SMC3: variants seen among roughly 807,000 people sequenced by gnomAD.
The protein encoded by SMC3 is structural maintenance of chromosomes protein 3.
In SMC3, 20 loss-of-function variants were observed where a neutral mutation model predicts 171.8. The observed-to-expected ratio is 0.12, with a 90% CI of 0.08 to 0.17. The LOEUF (loss-of-function observed/expected upper bound fraction) is 0.17, where lower values mean the gene tolerates loss of function less well. SMC3 is among the 10% of genes least tolerant of loss of function. SMC3 has a pLI of 1.00. For missense variants in SMC3, 543 were observed against 1,420.4 expected (o/e 0.38, Z 9.93); for synonymous variants, 464 against 451.1 (o/e 1.03, Z -0.36).
intron 5 of SMC3, 103 bp downstream of exon 5, chr10:110,577,595 C>T: frequency 2.4e-6 from 2 of 816,548 alleles, no homozygotes; most frequent in Non-Finnish European, 2.0e-6. Flanking sequence ...GTTATAATTA[C>T]AGTTTATATA....
In SMC3 at chr10:110,577,413, A is replaced by G. The variant is rs772043772; in HGVS notation, c.199-8A>G. 6.2e-6 allele frequency: 10 copies of G among 1,607,058 alleles called. 1 individual carries two copies. The South Asian group carries it at 7.7e-5, about 12-fold the overall frequency. ...AAATGGCAAATTTCTCACTTCTTTC[A>G]TTTTTAGGAAGGTACTGGTCCTCGT... On this transcript the variant is annotated splice_polypyrimidine_tract_variant and splice_region_variant and intron_variant, in intron 4 of 28. Coordinates refer to ENST00000361804, the MANE Select transcript of SMC3 (RefSeq NM_005445.4).
chr10:110,601,938 T>C, intron 24 of SMC3, 28 bp from the exon 25 acceptor site: 1 of 1,608,624 alleles, frequency 6.2e-7, no homozygotes, highest in South Asian at 1.1e-5. Context: ...TAAATTTATT[T>C]ATATGAATAC....
intron 23 of SMC3, 134 bp from the exon 24 acceptor site, chr10:110,601,503 A>G: frequency 1.1e-6 from 1 of 917,038 alleles, no homozygotes; most frequent in Admixed American, 2.2e-5. Context: ...AACATGGTTC[A>G]TAAATTTTCA....
At chr10:110,589,364 T>C (rs1348080829) in intron 13 of SMC3, among the ~76,000 whole-genome samples, 2 of 152,184 alleles carry the variant, frequency 1.3e-5, no homozygotes, top group African/African-American at 4.8e-5. Context: ...AAATAAAGTA[T>C]ATAATTTGAT....
intron 10 of SMC3, 55 bp downstream of exon 10, chr10:110,582,697 C>A (rs962268780): frequency 7.5e-7 from 1 of 1,333,842 alleles, no homozygotes; most frequent in Non-Finnish European, 1.1e-6. Flanking sequence ...GAGACAGGGT[C>A]TTGTTCTGTC....
At chr10:110,595,218 G>T (rs1861280105) in intron 18 of SMC3, among the ~76,000 whole-genome samples, 1 of 151,924 alleles carries the variant, frequency 6.6e-6, no homozygotes, top group Admixed American at 6.6e-5. Flanking sequence ...GACCTCAGGT[G>T]ATCTGCCTGC....
At chr10:110,572,476 A>G (rs986226893) in intron 2 of SMC3, among the ~76,000 whole-genome samples, 4 of 152,100 alleles carry the variant, frequency 2.6e-5, no homozygotes, top group African/African-American at 9.7e-5. Flanking sequence ...TGTCTTTTAT[A>G]ACATTGTTAT....
intron 2 of SMC3, among the ~76,000 whole-genome samples, chr10:110,571,008 G>T (rs1369590831): frequency 6.6e-6 from 1 of 152,212 alleles, no homozygotes; most frequent in African/African-American, 2.4e-5. Flanking sequence ...TTGTACTGAT[G>T]TTGGGTATAT....
At chr10:110,579,137 T>G (rs1044463545) in intron 7 of SMC3, among the ~76,000 whole-genome samples, 22 of 152,222 alleles carry the variant, frequency 1.4e-4, no homozygotes, top group Non-Finnish European at 2.8e-4. Context: ...GGATTATGTT[T>G]TTACATTTTT....
At chr10:110,584,057 C>G (rs1437502784) in intron 12 of SMC3, 95 bp downstream of exon 12, 1 of 1,529,668 alleles carries the variant, frequency 6.5e-7, no homozygotes, top group African/African-American at 1.4e-5. Context: ...CTGCTTTTTA[C>G]ACTTAATTCT....
chr10:110,599,713 A>G lies in SMC3; in HGVS notation c.2328A>G (p.Ser776=). 1 of 1,614,154 alleles carries G rather than the reference A, an allele frequency of 6.2e-7. No individual in the cohort carries two copies. Among genetic ancestry groups the G allele is most frequent in the Non-Finnish European group, 8.5e-7 (1 of 1,179,994 alleles). Residue 776 remains serine, a synonymous_variant, in exon 21 of 29, where the codon TCA becomes TCG. Transcript: ENST00000361804. ...ATGCTATGGAGTCTACCAGAGAGTC[A>G]TTGAAAGCAGAACTGGGAACTGATT... The part of the protein sequence containing the change: ...SLHAMESTRE[S]LKAELGTDLL...
chr10:110,601,903 G>A lies in SMC3; in HGVS notation c.2892+19G>A, dbSNP rs772920976. ...CAAACAGGTTGGTTTTAAATTTGAA[G>A]TCTTGTTACAAATTGCTCAGTATAT... On this transcript the variant is annotated intron_variant, in intron 24 of 28. Transcript: ENST00000361804. 84 of 1,613,366 alleles carry A rather than the reference G, an allele frequency of 5.2e-5. No individual in the cohort carries two copies. The highest frequency in any genetic ancestry group is 6.8e-5 in the Non-Finnish European group (80 of 1,179,592).
chr10:110,585,767 A>G lies in SMC3; in HGVS notation c.1305+1371A>G, dbSNP rs186494842. Among the ~76,000 whole-genome samples, 7 of 151,754 alleles carry G rather than the reference A, an allele frequency of 4.6e-5. No homozygotes were observed. In the East Asian group the frequency reaches 1.3e-3, roughly 29 times the overall value. On this transcript the variant is annotated intron_variant, in intron 13 of 28. Transcript: ENST00000361804. ...TACATATATTAATATTTATGTACTT[A>G]TTAATTGTATATTATATATAATTAT...
Position 110,605,153 on chromosome 10 carries a change from T to G in SMC3, c.*851T>G, listed in dbSNP as rs1274328794. 6.6e-6 allele frequency among the ~76,000 whole-genome samples: 1 copy of G among 152,204 alleles called. No individual in the cohort carries two copies. The highest frequency in any genetic ancestry group is 2.4e-5 in the African/African-American group (1 of 41,468). ...TATAATAGTACATATTATTAACATG[T>G]TTTATCACTGATGTTTACCTTGATC... On this transcript the variant is annotated 3_prime_UTR_variant, in exon 29 of 29. Coordinates refer to ENST00000361804, the MANE Select transcript of SMC3 (RefSeq NM_005445.4).
chr10:110,579,368 T>G (rs1860998726), intron 7 of SMC3, among the ~76,000 whole-genome samples: 1 of 151,008 alleles, frequency 6.6e-6, no homozygotes, highest in South Asian at 2.1e-4. Flanking sequence ...GAAGAACACG[T>G]TTTTTTCCGA....
At chr10:110,588,236 C>T (rs901470609) in intron 13 of SMC3, among the ~76,000 whole-genome samples, 3 of 152,178 alleles carry the variant, frequency 2.0e-5, no homozygotes, top group African/African-American at 7.2e-5. Flanking sequence ...ATGAGCTGCC[C>T]ACCTCGGCCT....
At chr10:110,574,673 GTGGGCACC>G (rs1860921146) in intron 3 of SMC3, among the ~76,000 whole-genome samples, 1 of 150,278 alleles carries the variant, frequency 6.7e-6, no homozygotes, top group African/African-American at 2.5e-5. Context: ...ACTTGCTGAT[GTGGGCACC>G]CCCACCACCT....
chr10:110,588,031 A>C (rs1358611615), intron 13 of SMC3, among the ~76,000 whole-genome samples: 1 of 152,174 alleles, frequency 6.6e-6, no homozygotes, highest in Non-Finnish European at 1.5e-5. Flanking sequence ...TCGCTGTGTC[A>C]CCAGGTTGGA....
At chr10:110,598,313 A>T (rs755629785) in intron 20 of SMC3, 23 bp downstream of exon 20, 1 of 1,605,452 alleles carries the variant, frequency 6.2e-7, no homozygotes, top group Non-Finnish European at 8.5e-7. Context: ...ATCTTTGGTT[A>T]TAGATCGATT....
Sources: allele counts gnomAD v4.1 joint callset (sites outside exome capture counted in the v4.1 genomes callset), GRCh38; gene constraint gnomAD v4.1.1; transcripts MANE v1.5; gene names NCBI Gene and HGNC (gene_info 2026-07-23, HGNC 2026-07-21).